The following DOCK8 variants were observed in gnomAD, a reference collection of about 807,000 sequenced individuals.
DOCK8 encodes the protein dedicator of cytokinesis protein 8.
In DOCK8, 141 loss-of-function variants were observed where a neutral mutation model predicts 245.6. The ratio of observed to expected loss-of-function variants is 0.57; its 90% confidence interval spans 0.50 to 0.66. The LOEUF is 0.66. DOCK8 is among the 30% of genes least tolerant of loss of function. DOCK8 has a pLI of 0.00. For missense variants in DOCK8, 2,965 were observed against 2,603.4 expected, an observed-to-expected ratio of 1.14 and a Z score of -3.02; for synonymous variants, 1,168 against 970.2, an observed-to-expected ratio of 1.20 and a Z score of -3.79.
rs77123909 is a variant in DOCK8, at chr9:322,644, A to G, written c.828-3027A>G. Among the ~76,000 whole-genome samples, 95 of 152,330 alleles carry G rather than the reference A, an allele frequency of 6.2e-4. 1 individual carries two copies. Among genetic ancestry groups the G allele is most frequent in the Non-Finnish European group, 1.1e-3 (73 of 68,008 alleles). On this transcript the variant is annotated intron_variant, in intron 7 of 47. Transcript: ENST00000432829. ...AATTTTAAGTCTTTAATAAATGTCA[A>G]TTCTCTTTTTCTTTCTCGGAACCAC...
chr9:242,078 A>C (rs1219732463), intron 1 of DOCK8, among the ~76,000 whole-genome samples: 2 of 152,230 alleles, frequency 1.3e-5, no homozygotes, highest in African/African-American at 4.8e-5. Flanking sequence ...GTGTTGGTAC[A>C]TGCGATCTGC....
chr9:404,780 A>G (rs1385577680), intron 26 of DOCK8, 138 bp from the exon 27 acceptor site: 2 of 874,204 alleles, frequency 2.3e-6, no homozygotes, highest in South Asian at 1.5e-5. Context: ...AGAATTTACC[A>G]TCTGTTGCAC....
intron 4 of DOCK8, among the ~76,000 whole-genome samples, chr9:293,668 C>G (rs72701263): frequency 1.3e-5 from 2 of 152,220 alleles, no homozygotes; most frequent in Non-Finnish European, 2.9e-5. Flanking sequence ...CTCTTTCCAG[C>G]TCCATCTGAT....
At chr9:420,177 C>G in intron 30 of DOCK8, 1 of 595,266 alleles carries the variant, frequency 1.7e-6, no homozygotes, top group Non-Finnish European at 3.0e-6. Context: ...AAATACTGCC[C>G]CAGGTGAGCC....
chr9:457,967 A>G (rs184028663), intron 46 of DOCK8: 1 of 152,370 alleles, frequency 6.6e-6, no homozygotes, highest in African/African-American at 2.4e-5. Context: ...CAAAGCCAGT[A>G]AGCAGCAAAG....
chr9:219,408 C>T (rs1367013019), intron 1 of DOCK8, among the ~76,000 whole-genome samples: 5 of 151,990 alleles, frequency 3.3e-5, no homozygotes, highest in Non-Finnish European at 7.4e-5. Context: ...GAGGTGGAGG[C>T]TACAGTGAGC....
intron 30 of DOCK8, 194 bp from the exon 31 acceptor site, chr9:420,207 C>T (rs1465767524): frequency 1.5e-6 from 1 of 670,112 alleles, no homozygotes; most frequent in East Asian, 2.8e-5. Context: ...AGTAGCGCTA[C>T]TCAAAGAACA....
chr9:456,337 C>G (rs892280593), intron 46 of DOCK8: 1 of 152,210 alleles, frequency 6.6e-6, no homozygotes, highest in Non-Finnish European at 1.5e-5. Flanking sequence ...CTCCACTCTG[C>G]TAACAGACAG....
intron 32 of DOCK8, 51 bp downstream of exon 32, chr9:421,129 TTGTG>T: frequency 1.2e-6 from 2 of 1,611,760 alleles, no homozygotes; most frequent in Non-Finnish European, 1.7e-6. Context: ...TTTTCACTGT[TTGTG>T]GGGAGGAATG....
intron 27 of DOCK8, among the ~76,000 whole-genome samples, chr9:406,398 A>G (rs1198626952): frequency 6.6e-6 from 1 of 151,686 alleles, no homozygotes; most frequent in East Asian, 1.9e-4. Context: ...GAGGCATGAG[A>G]ATTGCTTGAA....
intron 25 of DOCK8, among the ~76,000 whole-genome samples, chr9:397,577 C>T (rs997585677): frequency 1.4e-4 from 21 of 150,712 alleles, no homozygotes; most frequent in Middle Eastern, 3.4e-3. Flanking sequence ...GTAATCCCAG[C>T]TTCTCGGGAG....
intron 18 of DOCK8, among the ~76,000 whole-genome samples, chr9:373,867 C>T (rs2053403848): frequency 1.3e-5 from 2 of 152,162 alleles, no homozygotes; most frequent in African/African-American, 4.8e-5. Flanking sequence ...TTCAGTATCC[C>T]TCAAAACCAC....
chr9:306,490 A>C (rs1398484374), intron 5 of DOCK8, among the ~76,000 whole-genome samples: 5 of 152,212 alleles, frequency 3.3e-5, no homozygotes, highest in Non-Finnish European at 7.3e-5. Flanking sequence ...CAGCAGAAGA[A>C]ATTTAACACA....
At chr9:250,512 T>C (rs2047620139) in intron 1 of DOCK8, among the ~76,000 whole-genome samples, 1 of 152,120 alleles carries the variant, frequency 6.6e-6, no homozygotes. Flanking sequence ...CCATACTGGG[T>C]TTTTCCTTAT....
Position 317,129 on chromosome 9 carries a change from G to A in DOCK8, c.827+1G>A. 1 of 1,610,620 alleles carries A rather than the reference G, an allele frequency of 6.2e-7. No homozygotes were observed. The highest frequency in any genetic ancestry group is 8.5e-7 in the Non-Finnish European group (1 of 1,176,828). On this transcript the variant is annotated splice_donor_variant, in intron 7 of 47. Transcript: ENST00000432829. LOFTEE classifies it high-confidence loss of function. ...TATTGGTCAAGTTGCTGACCTTGAA[G>A]TAAGTATCAACAAACACACTGCCAC...
chr9:436,708 A>G (rs2056916765), intron 39 of DOCK8, among the ~76,000 whole-genome samples: 1 of 152,192 alleles, frequency 6.6e-6, no homozygotes, highest in African/African-American at 2.4e-5. Flanking sequence ...CATTATTCCG[A>G]CATGGGGGCA....
chr9:366,159 A>C (rs1234989907), intron 14 of DOCK8: 1 of 156,486 alleles, frequency 6.4e-6, no homozygotes, highest in African/African-American at 2.4e-5. Flanking sequence ...TGATCCCTTC[A>C]TTGTGACATG....
chr9:222,113 A>G (rs1230638478), intron 1 of DOCK8, among the ~76,000 whole-genome samples: 1 of 151,788 alleles, frequency 6.6e-6, no homozygotes, highest in Non-Finnish European at 1.5e-5. Flanking sequence ...CAAACAAAAC[A>G]TTAGGCAGAC....
rs117366891 is a variant in DOCK8, at chr9:317,365, A to G, written c.827+237A>G. 2.1e-3 allele frequency among the ~76,000 whole-genome samples: 313 copies of G among 152,254 alleles called. 9 individuals carry two copies. In the East Asian group the frequency reaches 0.058, roughly 28 times the overall value. ...GAAGGCAAACACACGTGTCTACTAA[A>G]GTTAGGCAGGTAAGGTCATTGAGTG... On this transcript the variant is annotated intron_variant, in intron 7 of 47. Coordinates refer to ENST00000432829, the MANE Select transcript of DOCK8 (RefSeq NM_203447.4).
Sources: allele counts gnomAD v4.1 joint callset (sites outside exome capture counted in the v4.1 genomes callset), GRCh38; gene constraint gnomAD v4.1.1; transcripts MANE v1.5; gene names NCBI Gene and HGNC (gene_info 2026-07-23, HGNC 2026-07-21).